Variants in GNAO1 observed in about 807,000 individuals in gnomAD.
The protein encoded by GNAO1 is G protein subunit alpha o1, also known as guanine nucleotide-binding protein G(o) subunit alpha.
For synonymous variants in GNAO1, 164 were observed against 180.7 expected (o/e 0.91, Z 0.74); for missense variants, 166 against 478.7 (o/e 0.35, Z 6.10).
At chr16:56,337,413 G>A (rs985188869) in intron 6 of GNAO1, among the ~76,000 whole-genome samples, 1 of 152,154 alleles carries the variant, frequency 6.6e-6, no homozygotes, top group Non-Finnish European at 1.5e-5. Context: ...TGGGGATGAG[G>A]CATGCTGGTG....
intron 4 of GNAO1, among the ~76,000 whole-genome samples, chr16:56,330,687 G>A (rs375121110): frequency 5.3e-5 from 8 of 152,196 alleles, no homozygotes; most frequent in South Asian, 4.2e-4. Flanking sequence ...TCCTTCCATC[G>A]CTCTCCACCT....
At chr16:56,196,134 G>C (rs1433995282) in intron 2 of GNAO1, among the ~76,000 whole-genome samples, 1 of 151,902 alleles carries the variant, frequency 6.6e-6, no homozygotes, top group African/African-American at 2.4e-5. Context: ...AGTGTTTTGG[G>C]TTCCCCCCCC....
chr16:56,288,903 G>A (rs1434811109), intron 3 of GNAO1, among the ~76,000 whole-genome samples: 1 of 152,040 alleles, frequency 6.6e-6, no homozygotes, highest in East Asian at 1.9e-4. Flanking sequence ...CATTAGATCT[G>A]AGGAACGACA....
chr16:56,194,413 C>T (rs949454771), intron 2 of GNAO1: 14 of 372,154 alleles, frequency 3.8e-5, no homozygotes, highest in African/African-American at 2.7e-4. Flanking sequence ...CTGTAATCAG[C>T]AGTGGCGGAC....
chr16:56,221,900 G>A (rs1435149667), intron 2 of GNAO1, among the ~76,000 whole-genome samples: 1 of 152,128 alleles, frequency 6.6e-6, no homozygotes, highest in African/African-American at 2.4e-5. Flanking sequence ...AGGAGGGGTA[G>A]CCAGCACCAG....
chr16:56,235,517 C>A (rs2036630067), intron 2 of GNAO1: 3 of 433,652 alleles, frequency 6.9e-6, no homozygotes, highest in Non-Finnish European at 1.4e-5. Flanking sequence ...TTCTCCTCGA[C>A]ATCCCCTGAG....
At chr16:56,285,001 T>A (rs1261675116) in intron 3 of GNAO1, among the ~76,000 whole-genome samples, 1 of 152,226 alleles carries the variant, frequency 6.6e-6, no homozygotes. Context: ...CATTGGCCCC[T>A]GCAGAGGCCC....
At chr16:56,309,280 G>A (rs1462941644) in intron 3 of GNAO1, among the ~76,000 whole-genome samples, 3 of 152,200 alleles carry the variant, frequency 2.0e-5, no homozygotes, top group African/African-American at 7.2e-5. Context: ...CTGCAACTGT[G>A]TCCGGGATAT....
intron 6 of GNAO1, among the ~76,000 whole-genome samples, chr16:56,339,286 C>T (rs1326331303): frequency 6.6e-6 from 1 of 152,238 alleles, no homozygotes; most frequent in Non-Finnish European, 1.5e-5. Context: ...CCACCCTGCC[C>T]GGGCCTGCAC....
intron 3 of GNAO1, among the ~76,000 whole-genome samples, chr16:56,295,859 G>C (rs1352468894): frequency 6.6e-6 from 1 of 152,192 alleles, no homozygotes. Context: ...TAGTTGTTTG[G>C]GGGAGACCAC....
intron 2 of GNAO1, among the ~76,000 whole-genome samples, chr16:56,224,934 A>G (rs2036521619): frequency 6.6e-6 from 1 of 152,240 alleles, no homozygotes; most frequent in African/African-American, 2.4e-5. Context: ...CTTTCACATC[A>G]GCCTCAGGGA....
chr16:56,233,146 T>C (rs1567447980), intron 2 of GNAO1, among the ~76,000 whole-genome samples: 1 of 152,230 alleles, frequency 6.6e-6, no homozygotes, highest in Admixed American at 6.5e-5. Flanking sequence ...AGTACCTGGC[T>C]AAAGTTGTTT....
intron 3 of GNAO1, among the ~76,000 whole-genome samples, chr16:56,324,094 G>A (rs1467319308): frequency 6.6e-6 from 1 of 152,188 alleles, no homozygotes; most frequent in African/African-American, 2.4e-5. Context: ...CTAGACCCCT[G>A]GGCTATCTGC....
intron 2 of GNAO1, among the ~76,000 whole-genome samples, chr16:56,208,546 A>G (rs1215431944): frequency 6.6e-6 from 1 of 152,184 alleles, no homozygotes; most frequent in Non-Finnish European, 1.5e-5. Context: ...ACTGCATTAG[A>G]TAATATACAG....
At chr16:56,234,210 A>G (rs76264754) in intron 2 of GNAO1, among the ~76,000 whole-genome samples, 2,638 of 152,362 alleles carry the variant, frequency 0.017, 47 homozygotes, top group South Asian at 0.053. Context: ...GTGACACCCC[A>G]AGGAGAGTCT....
intron 3 of GNAO1, among the ~76,000 whole-genome samples, chr16:56,327,232 CG>C (rs1279440648): frequency 6.6e-6 from 1 of 152,034 alleles, no homozygotes; most frequent in Non-Finnish European, 1.5e-5. Context: ...TGACAGAGCC[CG>C]GGCGTATTCA....
intron 2 of GNAO1, among the ~76,000 whole-genome samples, chr16:56,274,203 C>T (rs2037041995): frequency 6.6e-6 from 1 of 152,188 alleles, no homozygotes; most frequent in South Asian, 2.1e-4. Flanking sequence ...CCTTGGTCTC[C>T]CTTCTCTCAG....
intron 3 of GNAO1, among the ~76,000 whole-genome samples, chr16:56,288,204 G>A (rs1418462378): frequency 2.6e-5 from 4 of 152,206 alleles, no homozygotes; most frequent in African/African-American, 9.7e-5. Context: ...CATGCTGAGT[G>A]CTTTGTGCAC....
chr16:56,300,308 T>A (rs1457938813), intron 3 of GNAO1, among the ~76,000 whole-genome samples: 8 of 152,114 alleles, frequency 5.3e-5, no homozygotes, highest in Non-Finnish European at 1.2e-4. Flanking sequence ...CAGGAAAGGC[T>A]GTAGATAGTG....
Sources: allele counts gnomAD v4.1 joint callset (sites outside exome capture counted in the v4.1 genomes callset), GRCh38; gene constraint gnomAD v4.1.1; transcripts MANE v1.5; gene names NCBI Gene and HGNC (gene_info 2026-07-23, HGNC 2026-07-21).